The following SETD5 variants were observed in gnomAD, a reference collection of about 807,000 sequenced individuals.
SETD5 encodes the protein histone-lysine N-methyltransferase SETD5.
In SETD5, 44 loss-of-function variants were observed where a neutral mutation model predicts 153.3. The observed-to-expected ratio is 0.29, with a 90% CI of 0.23 to 0.37. SETD5 has a LOEUF of 0.37. Among genes scored for constraint, SETD5 ranks in the 10% least tolerant of loss-of-function variants. SETD5 has a pLI of 1.00. For synonymous variants in SETD5, 716 were observed against 645.2 expected (o/e 1.11, Z -1.66); for missense variants, 1,544 against 1,768.0 (o/e 0.87, Z 2.27).
intron 18 of SETD5, among the ~76,000 whole-genome samples, chr3:9,465,432 T>A (rs145773957): frequency 6.6e-6 from 1 of 152,366 alleles, no homozygotes; most frequent in Non-Finnish European, 1.5e-5. Flanking sequence ...TGCATGTTAC[T>A]TTGATTTGTA....
chr3:9,464,153 A>G (rs2044297599), intron 17 of SETD5, among the ~76,000 whole-genome samples: 1 of 152,214 alleles, frequency 6.6e-6, no homozygotes, highest in Admixed American at 6.5e-5. Flanking sequence ...AATAAATGAA[A>G]GAATTTTATA....
At chr3:9,404,321 TAAAG>T (rs138216671) in intron 1 of SETD5, among the ~76,000 whole-genome samples, 17,619 of 152,216 alleles carry the variant, frequency 0.12, 1,378 homozygotes, top group Non-Finnish European at 0.18. Flanking sequence ...TTCTCTCTGT[TAAAG>T]AAAACTGGAT....
Position 9,448,535 on chromosome 3 carries a change from A to G in SETD5, c.2251A>G (p.Thr751Ala). 6.2e-7 allele frequency: 1 copy of G among 1,613,476 alleles called. No homozygotes were observed. Residue 751 changes from threonine to alanine, a missense_variant, in exon 16 of 23, where the codon ACC becomes GCC. Transcript: ENST00000402198. ...TATCCATTCCCCGTTAATTTGCACC[A>G]CCCCCAAACACTACATTCGCTTTGG... ...GLIHSPLICTTPKHYIRFGSP... is the reference protein window; with the variant it reads ...GLIHSPLICTAPKHYIRFGSP...
At position 9,445,466 on chromosome 3, in the gene SETD5, A is replaced by G. The variant is rs1428670656; in HGVS notation, c.1440+166A>G. 7 of 951,044 alleles carry G rather than the reference A, an allele frequency of 7.4e-6. No individual in the cohort carries two copies. The South Asian group carries it at 1.2e-4, about 16-fold the overall frequency. 58.9% of individuals were successfully genotyped at this position (951,044 alleles called of 1,614,324 possible). A position where few individuals can be genotyped will look rare whatever the true frequency, so the allele number is the denominator to read the frequency against. The stretch of plus-strand genomic sequence containing the variant: ...ACATTTCTTTCTGTTTTACAAAGTC[A>G]AAAACATCCTTTGCTGGTTTTGCAC... On this transcript the variant is annotated intron_variant, in intron 12 of 22. Transcript: ENST00000402198.
chr3:9,417,008 G>A (rs982885242), intron 1 of SETD5, among the ~76,000 whole-genome samples: 2 of 152,012 alleles, frequency 1.3e-5, no homozygotes, highest in Non-Finnish European at 2.9e-5. Flanking sequence ...GAAGGAAACA[G>A]GTTAGTAGCT....
At chr3:9,415,316 AT>A (rs1376053609) in intron 1 of SETD5, among the ~76,000 whole-genome samples, 1 of 152,174 alleles carries the variant, frequency 6.6e-6, no homozygotes, top group East Asian at 1.9e-4. Flanking sequence ...CTTTAAAATC[AT>A]TTTTCATATT....
rs974223865 is a variant in SETD5 at position 9,474,461 on chromosome 3, A to G, written c.3510A>G (p.Thr1170=). 1.2e-6 allele frequency: 2 copies of G among 1,613,932 alleles called. No homozygotes were observed. Among genetic ancestry groups the G allele is most frequent in the Admixed American group, 1.7e-5 (1 of 59,992 alleles). ...GTTGCCTTTACAGGATGGTTCCCAC[A>G]TCAGTAGAACGACTCCGAGAAGGAG... ...ENISSRWMVP[T]SVERLREGGS... The change falls in exon 21 of 23, where the codon ACA becomes ACG. Residue 1170 remains threonine (T), a synonymous_variant. Transcript: ENST00000402198.
intron 17 of SETD5, 59 bp from the exon 18 acceptor site, chr3:9,464,366 T>C (rs1353605075): frequency 6.4e-7 from 1 of 1,566,532 alleles, no homozygotes; most frequent in Non-Finnish European, 8.7e-7. Flanking sequence ...ATGGCTTTAC[T>C]GTAGAGCCTT....
At chr3:9,454,622 CAAAAAAAAAA>C (rs67028533) in intron 17 of SETD5, among the ~76,000 whole-genome samples, 58 of 58,040 alleles carry the variant, frequency 1.0e-3, no homozygotes, top group Admixed American at 2.8e-3. Context: ...AACTCCGTCT[CAAAAAAAAAA>C]AAAAAAAAAA....
At chr3:9,401,153 A>G (rs886129647) in intron 1 of SETD5, among the ~76,000 whole-genome samples, 2 of 152,212 alleles carry the variant, frequency 1.3e-5, no homozygotes, top group Non-Finnish European at 2.9e-5. Context: ...CCCAGTAATA[A>G]AAGCAGACCA....
Position 9,421,058 on chromosome 3 carries a change from AT to A in SETD5, c.-176-3395del, listed in dbSNP as rs75431777. Among the ~76,000 whole-genome samples the A allele has an allele frequency of 7.6e-3, 1,087 of 143,076 alleles. 1 individual carries two copies. The highest frequency in any genetic ancestry group is 0.022 in the Middle Eastern group (6 of 276). 93.9% of individuals were successfully genotyped at this position (143,076 alleles called of 152,430 possible). ...GCTCCTATGAGTCAGCACAACAGGT[AT>A]TTTTTTTTTTTTTATTGTACAGATG... On this transcript the variant is annotated intron_variant, in intron 1 of 22. Coordinates refer to ENST00000402198, the MANE Select transcript of SETD5 (RefSeq NM_001080517.3).
At chr3:9,469,247 G>C (rs1048062639) in intron 18 of SETD5, among the ~76,000 whole-genome samples, 3 of 152,184 alleles carry the variant, frequency 2.0e-5, no homozygotes, top group Non-Finnish European at 2.9e-5. Context: ...GATATCAGTA[G>C]AGTGGTTTTC....
intron 1 of SETD5, among the ~76,000 whole-genome samples, chr3:9,413,649 G>GGTGTGTGTGTGTGT (rs1160123997): frequency 7.1e-5 from 10 of 140,364 alleles, no homozygotes; most frequent in South Asian, 2.3e-4. Flanking sequence ...GGGGAGGCGG[G>GGTGTGTGTGTGTGT]GTGTGTGTGT....
In SETD5 at chr3:9,476,033, A is replaced by G; in HGVS notation, c.4271A>G (p.Gln1424Arg). The change falls in exon 23 of 23, where the codon CAG becomes CGG. Residue 1424 changes from glutamine to arginine, a missense_variant. Around this residue, in one of 9 missense-constraint regions of SETD5, gnomAD observed 302 missense variants for 277.6 expected, o/e 1.09. Transcript: ENST00000402198. Reference protein sequence around the residue: ...YPHRGSGGVHQYRLQPLQGSG... With the variant: ...YPHRGSGGVHRYRLQPLQGSG... ...CACCGTGGGAGTGGGGGTGTGCACC[A>G]GTACCGACTCCAGCCACTGCAAGGG... 11 of 1,613,964 alleles carry G rather than the reference A, an allele frequency of 6.8e-6. No homozygotes were observed. The highest frequency in any genetic ancestry group is 2.2e-5 in the East Asian group (1 of 44,882).
intron 1 of SETD5, among the ~76,000 whole-genome samples, chr3:9,420,282 T>G (rs1006077471): frequency 6.6e-6 from 1 of 152,198 alleles, no homozygotes; most frequent in Non-Finnish European, 1.5e-5. Flanking sequence ...TGTAGTCTTA[T>G]CCTACTGCCA....
chr3:9,400,941 T>C (rs544324530), intron 1 of SETD5, among the ~76,000 whole-genome samples: 1 of 152,232 alleles, frequency 6.6e-6, no homozygotes, highest in Non-Finnish European at 1.5e-5. Context: ...ACTGGACATA[T>C]TCCTGTGTGC....
At chr3:9,463,514 TTAGTG>T (rs1341576825) in intron 17 of SETD5, among the ~76,000 whole-genome samples, 1 of 152,216 alleles carries the variant, frequency 6.6e-6, no homozygotes, top group Admixed American at 6.5e-5. Flanking sequence ...ACTAAAATAT[TTAGTG>T]TAGTGACTTG....
At chr3:9,431,577 A>T (rs933288725) in intron 3 of SETD5, 1 of 985,588 alleles carries the variant, frequency 1.0e-6, no homozygotes. Context: ...TTTCTTCATC[A>T]GAAGATATGA....
intron 7 of SETD5, chr3:9,436,855 T>G (rs1484892208): frequency 5.2e-6 from 8 of 1,550,136 alleles, no homozygotes; most frequent in Non-Finnish European, 7.0e-6. Flanking sequence ...GATAGGCATT[T>G]CGAGAGGGAT....
Sources: gnomAD v4.1 joint callset for allele counts (sites outside exome capture counted in the v4.1 genomes callset) on GRCh38, gnomAD v4.1.1 for gene constraint, gnomAD v4.1.1 regional missense constraint, MANE v1.5 for transcripts, NCBI Gene and HGNC (gene_info 2026-07-23, HGNC 2026-07-21) for gene names.